GABRB3: variants seen among roughly 807,000 people sequenced by gnomAD.
GABRB3 encodes the protein gamma-aminobutyric acid receptor subunit beta-3.
GABRB3 carries 14 observed loss-of-function variants against 52.1 expected under a neutral mutation model. The ratio of observed to expected loss-of-function variants is 0.27; its 90% CI spans 0.18 to 0.42. The LOEUF (loss-of-function observed/expected upper bound fraction) is 0.42, where lower values mean the gene tolerates loss of function less well. Ranked by LOEUF, GABRB3 falls within the 10% of genes least tolerant of loss-of-function variation. The pLI, the probability that GABRB3 is intolerant of heterozygous loss-of-function variation, is 1.00. For synonymous variants in GABRB3, 260 were observed against 232.3 expected (o/e 1.12, Z -1.08); for missense variants, 307 against 609.1 (o/e 0.50, Z 5.22).
chr15:26,690,051 C>G (rs1888536436), intron 3 of GABRB3, among the ~76,000 whole-genome samples: 1 of 151,790 alleles, frequency 6.6e-6, no homozygotes, highest in South Asian at 2.1e-4. Flanking sequence ...ATTGGCCATA[C>G]CCCACTAGAT....
chr15:26,668,587 C>G (rs1887790677), intron 3 of GABRB3, among the ~76,000 whole-genome samples: 1 of 152,164 alleles, frequency 6.6e-6, no homozygotes, highest in Admixed American at 6.5e-5. Context: ...CATGTAGTCC[C>G]TAAATACTCC....
intron 6 of GABRB3, among the ~76,000 whole-genome samples, chr15:26,568,498 TTC>T (rs1029646179): frequency 1.0e-5 from 1 of 97,180 alleles, no homozygotes; most frequent in Non-Finnish European, 2.7e-5. Context: ...TTGTTTTCCT[TTC>T]TTTTTTTTTT....
chr15:26,680,161 C>T (rs1249727212), intron 3 of GABRB3, among the ~76,000 whole-genome samples: 3 of 152,184 alleles, frequency 2.0e-5, no homozygotes, highest in Non-Finnish European at 4.4e-5. Flanking sequence ...TGAGGTCCTC[C>T]CAGGAGGAAG....
intron 8 of GABRB3, among the ~76,000 whole-genome samples, chr15:26,555,981 A>G (rs1450670609): frequency 6.6e-6 from 1 of 152,218 alleles, no homozygotes; most frequent in Non-Finnish European, 1.5e-5. Context: ...ACTTAAACAG[A>G]TATTTCCAAG....
chr15:26,769,834 T>A (rs185771573), intron 3 of GABRB3, among the ~76,000 whole-genome samples: 126 of 152,314 alleles, frequency 8.3e-4, no homozygotes, highest in African/African-American at 2.8e-3. Context: ...ACATCCTACC[T>A]GTGAACAACC....
At chr15:26,658,628 T>G (rs1737090850) in intron 3 of GABRB3, 1 of 152,220 alleles carries the variant, frequency 6.6e-6, no homozygotes, top group Admixed American at 6.5e-5. Context: ...TTCTGTTAGC[T>G]GCTGCTGCCT....
chr15:26,747,743 G>A (rs571747166), intron 3 of GABRB3, among the ~76,000 whole-genome samples: 1 of 152,230 alleles, frequency 6.6e-6, no homozygotes, highest in Non-Finnish European at 1.5e-5. Context: ...AATAAGATAG[G>A]TGAAAGTGGA....
In GABRB3 at chr15:26,752,767, T is replaced by C. The variant is rs546848415; in HGVS notation, c.240+19635A>G. Among the ~76,000 whole-genome samples the C allele has an allele frequency of 2.6e-5, 4 of 152,256 alleles. No individual in the cohort carries two copies. In the East Asian group the frequency reaches 7.8e-4, roughly 30 times the overall value. On this transcript the variant is annotated intron_variant, in intron 3 of 8. Coordinates refer to ENST00000311550, the MANE Select transcript of GABRB3 (RefSeq NM_000814.6). Reference sequence around the variant, plus strand: ...AAATCCCCTCTTGGCAATTTTCACATGTCCATTATTATTAACTACAGTTGG... The same window carrying C: ...AAATCCCCTCTTGGCAATTTTCACACGTCCATTATTATTAACTACAGTTGG...
intron 3 of GABRB3, among the ~76,000 whole-genome samples, chr15:26,734,237 G>T (rs1320440347): frequency 6.6e-6 from 1 of 151,614 alleles, no homozygotes; most frequent in African/African-American, 2.4e-5. Context: ...CTTCACGTTG[G>T]TCAGGCTGGT....
intron 3 of GABRB3, among the ~76,000 whole-genome samples, chr15:26,747,868 T>A (rs1890388881): frequency 6.6e-6 from 1 of 152,044 alleles, no homozygotes; most frequent in Admixed American, 6.6e-5. Flanking sequence ...TTCTCCCCTA[T>A]TCTTTTTTTT....
At chr15:26,625,488 T>C in intron 3 of GABRB3, 1 of 985,278 alleles carries the variant, frequency 1.0e-6, no homozygotes, top group South Asian at 4.7e-5. Context: ...AGAGATGGAA[T>C]TTGCATGGGA....
At chr15:26,649,789 T>C (rs1887140108) in intron 3 of GABRB3, among the ~76,000 whole-genome samples, 1 of 151,702 alleles carries the variant, frequency 6.6e-6, no homozygotes, top group South Asian at 2.1e-4. Context: ...GGAAACAATA[T>C]GAAAATACAC....
intron 3 of GABRB3, among the ~76,000 whole-genome samples, chr15:26,651,933 T>C (rs1674723508): frequency 6.6e-6 from 1 of 152,172 alleles, no homozygotes; most frequent in Non-Finnish European, 1.5e-5. Flanking sequence ...CTGTAGTGCA[T>C]CTCCATTCAT....
At chr15:26,604,702 T>C (rs1891714751) in intron 4 of GABRB3, among the ~76,000 whole-genome samples, 1 of 151,578 alleles carries the variant, frequency 6.6e-6, no homozygotes, top group African/African-American at 2.4e-5. Context: ...CTGGGAAAAC[T>C]GGATAACCGG....
chr15:26,588,492 A>G (rs1891076547), intron 4 of GABRB3, among the ~76,000 whole-genome samples: 1 of 152,194 alleles, frequency 6.6e-6, no homozygotes, highest in South Asian at 2.1e-4. Flanking sequence ...ATGCCACTGG[A>G]AGGCAGATGC....
chr15:26,707,438 A>G (rs1295488777), intron 3 of GABRB3, among the ~76,000 whole-genome samples: 1 of 152,220 alleles, frequency 6.6e-6, no homozygotes, highest in Admixed American at 6.5e-5. Flanking sequence ...AGAGACTTGA[A>G]AAATATCTAG....
intron 3 of GABRB3, among the ~76,000 whole-genome samples, chr15:26,665,899 A>G (rs1301176559): frequency 6.6e-6 from 1 of 152,256 alleles, no homozygotes; most frequent in East Asian, 1.9e-4. Flanking sequence ...GATGATAACA[A>G]TAAAAAGTGT....
upstream of GABRB3, chr15:26,773,714 C>A (rs1356927141): frequency 6.4e-7 from 1 of 1,569,166 alleles, no homozygotes; most frequent in Non-Finnish European, 8.6e-7. Context: ...CTCCAGGAGC[C>A]CGGAGCACAT....
intron 4 of GABRB3, among the ~76,000 whole-genome samples, chr15:26,594,098 G>A (rs1272527322): frequency 6.7e-6 from 1 of 149,890 alleles, no homozygotes; most frequent in Non-Finnish European, 1.5e-5. Context: ...CACACATTAG[G>A]ATGGCTATTG....
Sources: gnomAD v4.1 joint callset for allele counts (sites outside exome capture counted in the v4.1 genomes callset) on GRCh38, gnomAD v4.1.1 for gene constraint, MANE v1.5 for transcripts, NCBI Gene and HGNC (gene_info 2026-07-23, HGNC 2026-07-21) for gene names.